THADA: variants seen among roughly 807,000 people sequenced by gnomAD.
The protein encoded by THADA is tRNA (32-2'-O)-methyltransferase regulator THADA.
In THADA, 213 loss-of-function variants were observed where a neutral mutation model predicts 219.8. The observed-to-expected ratio is 0.97, with a 90% CI of 0.87 to 1.09. THADA has a LOEUF of 1.09. Ranked by LOEUF, THADA falls within the 50% of genes least tolerant of loss-of-function variation. The pLI, the probability that THADA is intolerant of heterozygous loss-of-function variation, is 0.00. For synonymous variants in THADA, 1,018 were observed against 828.9 expected (o/e 1.23, Z -3.92); for missense variants, 2,956 against 2,311.3 (o/e 1.28, Z -5.72).
chr2:43,437,179 C>T (rs969070322), intron 26 of THADA, among the ~76,000 whole-genome samples: 3 of 152,148 alleles, frequency 2.0e-5, no homozygotes, highest in Non-Finnish European at 4.4e-5. Context: ...GCCCATAAAG[C>T]CACTCAGGTT....
At chr2:43,580,279 T>A (rs1241087408) in intron 8 of THADA, among the ~76,000 whole-genome samples, 1 of 152,020 alleles carries the variant, frequency 6.6e-6, no homozygotes, top group African/African-American at 2.4e-5. Flanking sequence ...GACCTCGTGA[T>A]CTGCCCGCCT....
intron 30 of THADA, among the ~76,000 whole-genome samples, chr2:43,321,675 A>G (rs1456572960): frequency 6.6e-6 from 1 of 152,196 alleles, no homozygotes; most frequent in Non-Finnish European, 1.5e-5. Flanking sequence ...GTTACAATAA[A>G]TACAATACAT....
chr2:43,422,259 AGAAATTATGCGCCTT>A (rs1392925508), intron 28 of THADA, among the ~76,000 whole-genome samples: 1 of 152,246 alleles, frequency 6.6e-6, no homozygotes, highest in East Asian at 1.9e-4. Context: ...AGCAAAAAAG[AGAAATTATGCGCCTT>A]CTACCATATG....
At position 43,586,884 on chromosome 2, in the gene THADA, T is replaced by C. The variant is rs199590427; in HGVS notation, c.421A>G (p.Ile141Val). 282 of 1,613,852 alleles carry C rather than the reference T, an allele frequency of 1.7e-4. No individual in the cohort carries two copies. In the African/African-American group the frequency reaches 3.4e-3, roughly 19 times the overall value. The change falls in exon 5 of 38, where the codon ATT becomes GTT. Residue 141 changes from isoleucine to valine, a missense_variant. Transcript: ENST00000405975. ...LYSYRKVTDN[I>V]SSCMENFNLG... Reference sequence around the variant, plus strand: ...TTAAAGTTCTCCATACAGGAAGAAATATTGTCAGTAACTTTCCTGTAAGAG... The same window carrying C: ...TTAAAGTTCTCCATACAGGAAGAAACATTGTCAGTAACTTTCCTGTAAGAG...
chr2:43,472,973 G>T (rs1022186558), intron 26 of THADA, among the ~76,000 whole-genome samples: 2 of 152,186 alleles, frequency 1.3e-5, no homozygotes, highest in Admixed American at 1.3e-4. Context: ...CTGCAGGACT[G>T]GAAGTTGTTC....
intron 36 of THADA, among the ~76,000 whole-genome samples, chr2:43,236,101 G>A (rs773894747): frequency 2.6e-5 from 4 of 152,188 alleles, no homozygotes; most frequent in South Asian, 4.1e-4. Context: ...GAGCCACCAC[G>A]CCTGGCCCAT....
At chr2:43,556,589 T>A in intron 16 of THADA, 34 bp from the exon 17 acceptor site, 1 of 1,579,320 alleles carries the variant, frequency 6.3e-7, no homozygotes, top group South Asian at 1.1e-5. Flanking sequence ...AACTGTCAAA[T>A]TAAAGATCTC....
chr2:43,460,238 TAAAAAAAAA>T (rs10560565), intron 26 of THADA, among the ~76,000 whole-genome samples: 6 of 63,542 alleles, frequency 9.4e-5, no homozygotes, highest in African/African-American at 2.9e-4. Context: ...TTTCTCTTAA[TAAAAAAAAA>T]AAAAAAAAAA....
chr2:43,577,093 G>A lies in THADA; in HGVS notation c.966C>T (p.Asn322=), dbSNP rs778509436. 8.7e-6 allele frequency: 14 copies of A among 1,613,140 alleles called. No homozygotes were observed. Among genetic ancestry groups the A allele is most frequent in the South Asian group, 4.4e-5 (4 of 90,766 alleles). Residue 322 remains asparagine, a synonymous_variant, in exon 10 of 38, where the codon AAC becomes AAT. Transcript: ENST00000405975. The part of the protein sequence containing the change: ...QGTLAMLDWQ[N]GSMGRSGEAL... ...CCTCCCCACTCCGACCCATGCTTCCGTTCTGCCAGTCCAACATGGCAAGTG... is the reference window on the plus strand; with the variant it reads ...CCTCCCCACTCCGACCCATGCTTCCATTCTGCCAGTCCAACATGGCAAGTG...
At chr2:43,573,891 A>T (rs1699561072) in intron 11 of THADA, among the ~76,000 whole-genome samples, 1 of 152,126 alleles carries the variant, frequency 6.6e-6, no homozygotes, top group Non-Finnish European at 1.5e-5. Flanking sequence ...ATTTCTTGAG[A>T]TCATGCCTCT....
intron 36 of THADA, among the ~76,000 whole-genome samples, chr2:43,261,370 T>G (rs1344527977): frequency 4.6e-5 from 7 of 151,500 alleles, no homozygotes; most frequent in Admixed American, 3.9e-4. Flanking sequence ...ACTACAGGCA[T>G]GCACCATCAT....
At chr2:43,499,688 T>C (rs1688693826) in intron 24 of THADA, among the ~76,000 whole-genome samples, 1 of 152,180 alleles carries the variant, frequency 6.6e-6, no homozygotes, top group Admixed American at 6.5e-5. Context: ...AAAAAAATGC[T>C]TAAAATCGGC....
In THADA at chr2:43,292,130, C is replaced by T. The variant is rs201100629; in HGVS notation, c.4911G>A (p.Trp1637Ter). Residue 1637 changes from tryptophan to a stop codon, truncating the protein, a stop_gained, in exon 33 of 38, where the codon TGG becomes TGA. Transcript: ENST00000405975. LOFTEE classifies it high-confidence loss of function. Reference sequence around the variant, plus strand: ...TTTCATTGGAAGCAATATCCATCGTCCAGATCAAGAACTCCTTTGGGGTCA... The same window carrying T: ...TTTCATTGGAAGCAATATCCATCGTTCAGATCAAGAACTCCTTTGGGGTCA... Reference protein sequence around the residue: ...VHLTPKEFLIWTMDIASNERS... With the variant: ...VHLTPKEFLI The T allele has an allele frequency of 5.5e-5, 88 of 1,610,110 alleles. No homozygotes were observed. The highest frequency in any genetic ancestry group is 7.4e-5 in the Non-Finnish European group (87 of 1,178,386).
chr2:43,399,587 C>T (rs1450529498), intron 28 of THADA, among the ~76,000 whole-genome samples: 2 of 152,058 alleles, frequency 1.3e-5, no homozygotes, highest in African/African-American at 2.4e-5. Flanking sequence ...TGTCTTTTTC[C>T]CCCAAGACAG....
chr2:43,389,370 A>G (rs1673077197), intron 29 of THADA, among the ~76,000 whole-genome samples: 1 of 152,346 alleles, frequency 6.6e-6, no homozygotes, highest in East Asian at 1.9e-4. Flanking sequence ...CTGTAGTCCC[A>G]TCTACTCTGG....
chr2:43,443,221 G>A (rs776598310), intron 26 of THADA, among the ~76,000 whole-genome samples: 2 of 152,176 alleles, frequency 1.3e-5, no homozygotes, highest in African/African-American at 2.4e-5. Context: ...AACAGTTGCC[G>A]AGTGAGTGAA....
intron 26 of THADA, among the ~76,000 whole-genome samples, chr2:43,454,052 T>C (rs989347155): frequency 2.6e-5 from 4 of 152,196 alleles, no homozygotes; most frequent in African/African-American, 9.6e-5. Flanking sequence ...CTAATTATTA[T>C]AGAGACAGGG....
At chr2:43,297,910 G>A in intron 31 of THADA, among the ~76,000 whole-genome samples, 1 of 107,610 alleles carries the variant, frequency 9.3e-6, no homozygotes, top group African/African-American at 5.1e-5. Context: ...GGGAAGTGAG[G>A]AGCCCCTCTG....
rs376551177 is a variant in THADA at position 43,512,293 on chromosome 2, T to A, written c.3375-3513A>T. On this transcript the variant is annotated intron_variant, in intron 22 of 37. Transcript: ENST00000405975. ...GCTTTTACGCAGAATTCTTTACTTA[T>A]CTGGTTTCCAGTGTGAACTCTACCA... 1.1e-4 allele frequency among the ~76,000 whole-genome samples: 17 copies of A among 152,286 alleles called. No individual in the cohort carries two copies. In the East Asian group the frequency reaches 2.7e-3, roughly 24 times the overall value.
Sources: gnomAD v4.1 joint callset for allele counts (sites outside exome capture counted in the v4.1 genomes callset) on GRCh38, gnomAD v4.1.1 for gene constraint, MANE v1.5 for transcripts, NCBI Gene and HGNC (gene_info 2026-07-23, HGNC 2026-07-21) for gene names.